The following WDPCP variants were observed in gnomAD, a reference collection of about 807,000 sequenced individuals.
The protein encoded by WDPCP is WD repeat-containing and planar cell polarity effector protein fritz homolog.
A neutral mutation model predicts 93.1 loss-of-function variants in WDPCP; 71 were observed. The observed-to-expected ratio is 0.76, with a 90% confidence interval of 0.63 to 0.93. The LOEUF is 0.93. Among genes scored for constraint, WDPCP ranks in the 40% least tolerant of loss-of-function variants. WDPCP has a pLI of 0.00. For synonymous variants in WDPCP, 315 were observed against 315.0 expected (o/e 1.00, Z 0.00); for missense variants, 844 against 887.4 (o/e 0.95, Z 0.62).
At chr2:63,486,127 T>C (rs1700562965) in intron 4 of WDPCP, among the ~76,000 whole-genome samples, 1 of 151,784 alleles carries the variant, frequency 6.6e-6, no homozygotes, top group African/African-American at 2.4e-5. Context: ...AACATACTTA[T>C]ATACTGGAGA....
chr2:63,722,019 G>A (rs1324141904), intron 2 of WDPCP, among the ~76,000 whole-genome samples: 1 of 150,590 alleles, frequency 6.6e-6, no homozygotes, highest in East Asian at 1.9e-4. Flanking sequence ...ACGGAGTCTC[G>A]TTCACTCAGT....
intron 12 of WDPCP, among the ~76,000 whole-genome samples, chr2:63,354,542 A>G (rs752518816): frequency 5.3e-5 from 8 of 152,200 alleles, no homozygotes; most frequent in Non-Finnish European, 8.8e-5. Flanking sequence ...ATCATTAAGC[A>G]AGAGTCTACC....
At chr2:63,446,636 T>C (rs1194279732) in intron 6 of WDPCP, among the ~76,000 whole-genome samples, 12 of 152,166 alleles carry the variant, frequency 7.9e-5, no homozygotes, top group African/African-American at 2.9e-4. Context: ...ATATCTCAAA[T>C]GGAGTGGTGG....
intron 2 of WDPCP, among the ~76,000 whole-genome samples, chr2:63,758,064 T>C (rs1024100967): frequency 3.3e-5 from 5 of 152,064 alleles, no homozygotes; most frequent in African/African-American, 1.2e-4. Context: ...GTAGGATCAA[T>C]GTCAATCAAC....
chr2:63,532,259 G>A (rs1703913609), intron 1 of WDPCP, among the ~76,000 whole-genome samples: 1 of 152,314 alleles, frequency 6.6e-6, no homozygotes, highest in African/African-American at 2.4e-5. Flanking sequence ...AAGTGATGGG[G>A]AGATGGAACC....
intron 17 of WDPCP, among the ~76,000 whole-genome samples, chr2:63,152,351 T>G (rs1419943725): frequency 6.6e-6 from 1 of 151,678 alleles, no homozygotes; most frequent in African/African-American, 2.4e-5. Flanking sequence ...CTTGGCTCAC[T>G]GCAATTTCTT....
chr2:63,825,444 G>T lies in WDPCP; in HGVS notation n.222+2178C>A, dbSNP rs145993575. On this transcript the variant is annotated intron_variant and non_coding_transcript_variant, in intron 1 of 4. Transcript: ENST00000467687. ...GCTTCATAGGATAATATGAGGTTTA[G>T]TGTTAGAACCCATGAGACCTGGGAA... Among the ~76,000 whole-genome samples the T allele has an allele frequency of 1.7e-3, 259 of 152,146 alleles. 1 individual carries two copies. Among genetic ancestry groups the T allele is most frequent in the African/African-American group, 5.8e-3 (240 of 41,534 alleles).
At chr2:63,251,879 C>A (rs191639519) in intron 14 of WDPCP, among the ~76,000 whole-genome samples, 3 of 152,006 alleles carry the variant, frequency 2.0e-5, no homozygotes, top group African/African-American at 7.2e-5. Flanking sequence ...TTGTACCAAT[C>A]CTACTGAAAC....
chr2:63,597,872 T>C (rs558911189), intron 3 of WDPCP: 2 of 186,466 alleles, frequency 1.1e-5, no homozygotes, highest in Non-Finnish European at 2.2e-5. Context: ...TTTTGCTGCG[T>C]GGGAATATTT....
At chr2:63,408,142 T>G (rs1694739372) in intron 9 of WDPCP, among the ~76,000 whole-genome samples, 1 of 152,092 alleles carries the variant, frequency 6.6e-6, no homozygotes. Context: ...GCTCGCACTG[T>G]GAATTTTAGC....
intron 1 of WDPCP, among the ~76,000 whole-genome samples, chr2:63,496,392 C>T (rs1271361895): frequency 1.3e-5 from 2 of 152,152 alleles, no homozygotes; most frequent in Non-Finnish European, 2.9e-5. Context: ...CAGAAAAACA[C>T]CTTTTACTTG....
chr2:63,430,971 C>G (rs1109963), intron 9 of WDPCP, among the ~76,000 whole-genome samples: 29,730 of 152,104 alleles, frequency 0.2, 3,094 homozygotes, highest in Middle Eastern at 0.28. Context: ...AAAAATGTTT[C>G]TCCTCTGAAA....
In WDPCP at chr2:63,558,162, TA is replaced by T. The variant is rs796423500; in HGVS notation, c.75+30034del. Among the ~76,000 whole-genome samples, 257 of 146,928 alleles carry T rather than the reference TA, an allele frequency of 1.7e-3. 1 individual carries two copies. The highest frequency in any genetic ancestry group is 0.011 in the Admixed American group (158 of 14,770). On this transcript the variant is annotated intron_variant, in intron 1 of 17. Transcript: ENST00000272321. ...GGAGATAAGAGACATAAAAACCTCTTAAAAAAAAAAATCAATGAATCCAGTA... is the reference window on the plus strand; with the variant it reads ...GGAGATAAGAGACATAAAAACCTCTTAAAAAAAAAATCAATGAATCCAGTA...
intron 2 of WDPCP, chr2:63,684,638 C>T (rs569794967): frequency 9.4e-4 from 655 of 698,760 alleles, no homozygotes; most frequent in Non-Finnish European, 1.5e-3. Flanking sequence ...CAAGGCCTGA[C>T]GAGAGGTCAA....
At chr2:63,266,310 T>C (rs1440259303) in intron 13 of WDPCP, among the ~76,000 whole-genome samples, 1 of 152,186 alleles carries the variant, frequency 6.6e-6, no homozygotes, top group Non-Finnish European at 1.5e-5. Context: ...TTGGTTGATT[T>C]TGCAGCTTAT....
chr2:63,463,149 CA>C (rs76868317), intron 6 of WDPCP, among the ~76,000 whole-genome samples: 2,865 of 121,178 alleles, frequency 0.024, 78 homozygotes, highest in African/African-American at 0.073. Flanking sequence ...CTGAAAGAAC[CA>C]AAAAAAAAAA....
chr2:63,764,253 A>G (rs1670104938), intron 2 of WDPCP, among the ~76,000 whole-genome samples: 2 of 152,162 alleles, frequency 1.3e-5, no homozygotes, highest in African/African-American at 4.8e-5. Context: ...CAGCTCTGTA[A>G]TAGAAAAATA....
intron 2 of WDPCP, among the ~76,000 whole-genome samples, chr2:63,664,719 A>G (rs1206616717): frequency 2.0e-5 from 3 of 152,326 alleles, no homozygotes; most frequent in East Asian, 3.9e-4. Flanking sequence ...TGAGAGAGAA[A>G]ATGTGAAAAT....
chr2:63,493,656 A>T (rs1379776591), intron 1 of WDPCP, among the ~76,000 whole-genome samples: 2 of 151,498 alleles, frequency 1.3e-5, no homozygotes, highest in African/African-American at 4.9e-5. Context: ...ATCAAGTACT[A>T]CCTCATCGAT....
Sources: gnomAD v4.1 joint callset for allele counts (sites outside exome capture counted in the v4.1 genomes callset) on GRCh38, gnomAD v4.1.1 for gene constraint, MANE v1.5 for transcripts, NCBI Gene and HGNC (gene_info 2026-07-23, HGNC 2026-07-21) for gene names.